Variants in MALRD1 observed in about 807,000 individuals in gnomAD.
MALRD1 encodes MAM and LDL-receptor class A domain-containing protein 1.
A neutral mutation model predicts 242.1 loss-of-function variants in MALRD1; 247 were observed. The observed-to-expected ratio is 1.02, with a 90% CI of 0.92 to 1.13. The LOEUF (loss-of-function observed/expected upper bound fraction) is 1.13. MALRD1 is among the 50% of genes most tolerant of loss of function. The pLI, the probability that MALRD1 is intolerant of heterozygous loss-of-function variation, is 0.00. For missense variants in MALRD1, 2,989 were observed against 2,533.1 expected (o/e 1.18, Z -3.86); for synonymous variants, 995 against 866.6 (o/e 1.15, Z -2.60).
chr10:19,477,466 A>C (rs1198614847), intron 29 of MALRD1, among the ~76,000 whole-genome samples: 1 of 151,702 alleles, frequency 6.6e-6, no homozygotes, highest in Non-Finnish European at 1.5e-5. Context: ...GGAAATAAAT[A>C]AATAAATAAA....
chr10:19,571,495 T>A (rs778623282), intron 33 of MALRD1, among the ~76,000 whole-genome samples: 1 of 152,188 alleles, frequency 6.6e-6, no homozygotes, highest in Non-Finnish European at 1.5e-5. Flanking sequence ...AAGGAAGCAT[T>A]CTTTTTCACG....
intron 12 of MALRD1, 64 bp from the exon 13 acceptor site, chr10:19,165,573 T>C (rs1241094353): frequency 1.7e-6 from 2 of 1,172,750 alleles, no homozygotes; most frequent in African/African-American, 3.2e-5. Context: ...TTTCAAATTA[T>C]AGGAAAAACT....
intron 36 of MALRD1, among the ~76,000 whole-genome samples, chr10:19,687,421 C>T (rs888020995): frequency 3.3e-5 from 5 of 152,144 alleles, no homozygotes; most frequent in African/African-American, 1.2e-4. Context: ...CCATACCCAC[C>T]CACCAACCCA....
intron 33 of MALRD1, among the ~76,000 whole-genome samples, chr10:19,589,847 A>G (rs963614873): frequency 1.3e-5 from 2 of 152,090 alleles, no homozygotes; most frequent in African/African-American, 4.8e-5. Context: ...AGAATGTGCT[A>G]TTTTCGTTTG....
intron 32 of MALRD1, among the ~76,000 whole-genome samples, chr10:19,566,431 G>T (rs559176080): frequency 7.5e-4 from 112 of 150,132 alleles, no homozygotes; most frequent in African/African-American, 2.6e-3. Flanking sequence ...GAGCCACCAC[G>T]CCAGGCCATA....
intron 2 of MALRD1, among the ~76,000 whole-genome samples, chr10:19,074,491 C>A (rs1742735383): frequency 6.6e-6 from 1 of 152,070 alleles, no homozygotes; most frequent in African/African-American, 2.4e-5. Flanking sequence ...AGTCACTCAA[C>A]AATCTTGACA....
chr10:19,463,214 G>A (rs1310070083), intron 29 of MALRD1, among the ~76,000 whole-genome samples: 1 of 151,796 alleles, frequency 6.6e-6, no homozygotes, highest in Non-Finnish European at 1.5e-5. Context: ...GGTGGTGTTT[G>A]GTTACATGAG....
At chr10:19,125,386 C>T (rs564592101) in intron 7 of MALRD1, among the ~76,000 whole-genome samples, 82 of 115,232 alleles carry the variant, frequency 7.1e-4, no homozygotes, top group Non-Finnish European at 9.4e-4. Context: ...TCTTTCCTTC[C>T]TTCCTTCCTT....
chr10:19,687,144 C>T (rs996314018), intron 36 of MALRD1, among the ~76,000 whole-genome samples: 2 of 151,784 alleles, frequency 1.3e-5, no homozygotes, highest in Non-Finnish European at 1.5e-5. Context: ...TTCTTCTTGA[C>T]GTTAAAACAA....
chr10:19,658,354 C>A (rs1841267893), intron 36 of MALRD1, among the ~76,000 whole-genome samples: 1 of 152,038 alleles, frequency 6.6e-6, no homozygotes, highest in South Asian at 2.1e-4. Context: ...ATTCTGAGAT[C>A]TGAAAAAAAT....
At chr10:19,277,719 G>T (rs140289183) in intron 19 of MALRD1, among the ~76,000 whole-genome samples, 164 of 152,224 alleles carry the variant, frequency 1.1e-3, no homozygotes, top group African/African-American at 3.7e-3. Flanking sequence ...TTGATATTTT[G>T]ATCTATCTTC....
chr10:19,622,170 GAA>G (rs58917224), intron 36 of MALRD1, among the ~76,000 whole-genome samples: 3 of 147,796 alleles, frequency 2.0e-5, no homozygotes, highest in Non-Finnish European at 3.0e-5. Context: ...TCACCAATAA[GAA>G]AAAAAAATTA....
At chr10:19,621,040 C>T (rs1238031495) in intron 36 of MALRD1, among the ~76,000 whole-genome samples, 2 of 149,944 alleles carry the variant, frequency 1.3e-5, no homozygotes, top group East Asian at 2.0e-4. Flanking sequence ...CATTTTACTA[C>T]AATGACAGAA....
Position 19,512,957 on chromosome 10 carries a change from A to G in MALRD1, c.5320+14311A>G, listed in dbSNP as rs181375450. 3.9e-5 allele frequency among the ~76,000 whole-genome samples: 6 copies of G among 152,282 alleles called. No individual in the cohort carries two copies. In the East Asian group the frequency reaches 1.2e-3, roughly 29 times the overall value. On this transcript the variant is annotated intron_variant, in intron 31 of 39. Transcript: ENST00000454679. ...GGTCCTCCATGGGTGTACAATTAAC[A>G]TCGAATTTACTTAATTTTAAATAAC...
chr10:19,447,462 C>T (rs1333462403), intron 28 of MALRD1, among the ~76,000 whole-genome samples: 1 of 152,022 alleles, frequency 6.6e-6, no homozygotes, highest in Non-Finnish European at 1.5e-5. Context: ...TTTTCTAACA[C>T]ATAAAATGAC....
intron 28 of MALRD1, among the ~76,000 whole-genome samples, chr10:19,438,801 C>CTT (rs1564340109): frequency 3.5e-5 from 5 of 141,128 alleles, no homozygotes; most frequent in Non-Finnish European, 6.2e-5. Flanking sequence ...CCACCAGACC[C>CTT]CACAGCTCAG....
chr10:19,605,783 T>C (rs773652226), intron 34 of MALRD1, among the ~76,000 whole-genome samples: 4 of 152,138 alleles, frequency 2.6e-5, no homozygotes, highest in African/African-American at 4.8e-5. Context: ...ATGGAATTTC[T>C]TTTGTTATTA....
chr10:19,724,140 A>G (rs754703311), intron 38 of MALRD1, among the ~76,000 whole-genome samples: 3 of 152,162 alleles, frequency 2.0e-5, no homozygotes, highest in Non-Finnish European at 4.4e-5. Context: ...AATATGAACT[A>G]TTGTAACAGT....
At chr10:19,585,669 C>A (rs1184057056) in intron 33 of MALRD1, among the ~76,000 whole-genome samples, 4 of 152,112 alleles carry the variant, frequency 2.6e-5, no homozygotes, top group African/African-American at 9.7e-5. Context: ...TTTTTTCCTT[C>A]ATTTCAACTT....
Sources: gnomAD v4.1 joint callset for allele counts (sites outside exome capture counted in the v4.1 genomes callset) on GRCh38, gnomAD v4.1.1 for gene constraint, MANE v1.5 for transcripts, NCBI Gene and HGNC (gene_info 2026-07-23, HGNC 2026-07-21) for gene names.